NEMP2: variants seen among roughly 807,000 people sequenced by gnomAD.
The protein encoded by NEMP2 is nuclear envelope integral membrane protein 2.
In NEMP2, 53 loss-of-function variants were observed where a neutral mutation model predicts 54.2. The observed-to-expected ratio is 0.98, with a 90% CI of 0.78 to 1.23. The LOEUF (loss-of-function observed/expected upper bound fraction) is 1.23, where lower values mean the gene tolerates loss of function less well. Ranked by LOEUF, NEMP2 falls within the 50% of genes most tolerant of loss-of-function variation. The pLI, the probability that NEMP2 is intolerant of heterozygous loss-of-function variation, is 0.00. For synonymous variants in NEMP2, 197 were observed against 190.3 expected, an observed-to-expected ratio of 1.04 and a Z score of -0.29; for missense variants, 455 against 511.3, an observed-to-expected ratio of 0.89 and a Z score of 1.06.
At chr2:190,535,660 A>T (rs2125364797), upstream of NEMP2, among the ~76,000 whole-genome samples, 1 of 152,326 alleles carries the variant, frequency 6.6e-6, no homozygotes, top group East Asian at 1.9e-4. Flanking sequence ...TCTGAGTAGG[A>T]TGGACTAGGC....
At chr2:190,624,132 G>T in the NEMP2 span, among the ~76,000 whole-genome samples, 2 of 151,864 alleles carry the variant, frequency 1.3e-5, no homozygotes, top group East Asian at 3.9e-4. Context: ...AGGAGTTGGG[G>T]GGCAAAAGAC....
the NEMP2 span, among the ~76,000 whole-genome samples, chr2:190,566,066 C>G: frequency 3.4e-4 from 49 of 145,798 alleles, no homozygotes; most frequent in African/African-American, 1.2e-3. Context: ...CTGAAGCAAT[C>G]CCTGAAAAGG....
the NEMP2 span, among the ~76,000 whole-genome samples, chr2:190,486,128 C>G: frequency 6.6e-6 from 1 of 152,176 alleles, no homozygotes; most frequent in South Asian, 2.1e-4. Context: ...TAGATGAGAC[C>G]AGAGCAGTGT....
the NEMP2 span, among the ~76,000 whole-genome samples, chr2:190,452,858 T>C: frequency 3.3e-5 from 5 of 152,244 alleles, no homozygotes; most frequent in Non-Finnish European, 5.9e-5. Context: ...GTGATTAAAC[T>C]AACTTGTACT....
the NEMP2 span, among the ~76,000 whole-genome samples, chr2:190,473,311 A>G: frequency 6.6e-6 from 1 of 152,156 alleles, no homozygotes; most frequent in Non-Finnish European, 1.5e-5. Context: ...AAAGAGTCAA[A>G]ACCCATCAGT....
chr2:190,626,261 G>C, the NEMP2 span: 1 of 152,156 alleles, frequency 6.6e-6, no homozygotes, highest in Non-Finnish European at 1.5e-5. The surrounding 1 kb of genome is among the most constrained non-coding windows in gnomAD (Gnocchi z 4.5). Context: ...GAATTTTGGG[G>C]GGACACAAAT....
the NEMP2 span, among the ~76,000 whole-genome samples, chr2:190,647,120 T>C: frequency 6.6e-6 from 1 of 152,132 alleles, no homozygotes; most frequent in African/African-American, 2.4e-5. Context: ...CCGTGACAAT[T>C]AGGGAGACTA....
chr2:190,612,187 G>A, the NEMP2 span, among the ~76,000 whole-genome samples: 36 of 122,746 alleles, frequency 2.9e-4, no homozygotes, highest in East Asian at 3.9e-3. Context: ...ATGGAGTCTC[G>A]CTCTGTCACC....
the NEMP2 span, chr2:190,488,911 G>A: frequency 8.2e-7 from 1 of 1,222,906 alleles, no homozygotes; most frequent in Non-Finnish European, 1.1e-6. This position sits in a 1 kb window ranked among gnomAD's most constrained non-coding sequence, Gnocchi z 6.4. Flanking sequence ...TATTACTGAA[G>A]ATTGCCCAAA....
chr2:190,433,467 A>C, the NEMP2 span: 4 of 152,222 alleles, frequency 2.6e-5, no homozygotes, highest in Non-Finnish European at 4.4e-5. The surrounding 1 kb of genome is among the most constrained non-coding windows in gnomAD (Gnocchi z 4.5). Context: ...CACATTTTCT[A>C]GGAGGAAAAA....
At chr2:190,570,501 C>T in the NEMP2 span, among the ~76,000 whole-genome samples, 8 of 152,330 alleles carry the variant, frequency 5.3e-5, no homozygotes, top group East Asian at 1.3e-3. This position sits in a 1 kb window ranked among gnomAD's most constrained non-coding sequence, Gnocchi z 5.4. Flanking sequence ...TTTGCTCTTA[C>T]ATGGCCAAGG....
chr2:190,467,747 A>G, the NEMP2 span, among the ~76,000 whole-genome samples: 5 of 151,410 alleles, frequency 3.3e-5, no homozygotes, highest in Admixed American at 2.6e-4. The surrounding 1 kb of genome is among the most constrained non-coding windows in gnomAD (Gnocchi z 5.5). Flanking sequence ...TAAATGGTTG[A>G]AAAAAAACAC....
the NEMP2 span, among the ~76,000 whole-genome samples, chr2:190,564,967 T>C: frequency 6.6e-6 from 1 of 152,108 alleles, no homozygotes; most frequent in Admixed American, 6.6e-5. The surrounding 1 kb of genome is among the most constrained non-coding windows in gnomAD (Gnocchi z 4.2). Flanking sequence ...AAATAAGACA[T>C]TTCACCTTGA....
At chr2:190,639,045 C>T in the NEMP2 span, among the ~76,000 whole-genome samples, 1 of 152,056 alleles carries the variant, frequency 6.6e-6, no homozygotes, top group Non-Finnish European at 1.5e-5. Context: ...CAGGAGGATC[C>T]TTAAGAAGAT....
Position 190,531,557 on chromosome 2 carries a change from AC to A in NEMP2, c.97+3001del, listed in dbSNP as rs1338444496. The stretch of plus-strand genomic sequence containing the variant: ...ACAGGAGGCATTAATTATTTACATT[AC>A]CAAAGGATTCAGAAAGTCAGGGTTC... On this transcript the variant is annotated intron_variant, in intron 1 of 8. Transcript: ENST00000409150. The surrounding 1 kb of genome is among the most constrained non-coding windows in gnomAD (Gnocchi z 4.7). Among the ~76,000 whole-genome samples the A allele has an allele frequency of 6.6e-6, 1 of 152,216 alleles. No homozygotes were observed. Among genetic ancestry groups the A allele is most frequent in the Non-Finnish European group, 1.5e-5 (1 of 68,034 alleles).
the NEMP2 span, chr2:190,641,348 C>G: frequency 6.6e-6 from 1 of 152,210 alleles, no homozygotes; most frequent in African/African-American, 2.4e-5. Context: ...CATGAAAAAG[C>G]CAACATCTTG....
chr2:190,441,494 G>A, the NEMP2 span, among the ~76,000 whole-genome samples: 1 of 151,958 alleles, frequency 6.6e-6, no homozygotes, highest in Admixed American at 6.6e-5. Context: ...GGGGGTTGGG[G>A]GGAAAGCAGG....
At chr2:190,469,634 T>G in the NEMP2 span, 1 of 451,464 alleles carries the variant, frequency 2.2e-6, no homozygotes. This position sits in a 1 kb window ranked among gnomAD's most constrained non-coding sequence, Gnocchi z 5.3. Flanking sequence ...TGATGGGTGG[T>G]TTGGGGAAGG....
chr2:190,630,213 C>A, the NEMP2 span, among the ~76,000 whole-genome samples: 1 of 152,172 alleles, frequency 6.6e-6, no homozygotes, highest in African/African-American at 2.4e-5. This position sits in a 1 kb window ranked among gnomAD's most constrained non-coding sequence, Gnocchi z 5.5. Flanking sequence ...CTCATTCATT[C>A]CTCTCATCAG....
Sources: gnomAD v4.1 joint callset for allele counts (sites outside exome capture counted in the v4.1 genomes callset) on GRCh38, gnomAD v4.1.1 for gene constraint, Gnocchi (gnomAD v3.1) non-coding constraint, MANE v1.5 for transcripts, NCBI Gene and HGNC (gene_info 2026-07-23, HGNC 2026-07-21) for gene names.